BRF1: variants seen among roughly 807,000 people sequenced by gnomAD.
The protein encoded by BRF1 is BRF1 general transcription factor IIIB subunit, also known as transcription factor IIIB 90 kDa subunit.
Under a neutral mutation model 81.7 loss-of-function variants are expected in BRF1, and 59 were observed. The ratio of observed to expected loss-of-function variants is 0.72; its 90% CI spans 0.59 to 0.90. BRF1 has a LOEUF of 0.90. Among genes scored for constraint, BRF1 ranks in the 40% least tolerant of loss-of-function variants. The probability of loss-of-function intolerance (pLI) is 0.00; values close to 1 mark genes in which losing one functional copy is unlikely to be tolerated. For missense variants in BRF1, 1,050 were observed against 936.3 expected, an observed-to-expected ratio of 1.12 and a Z score of -1.58; for synonymous variants, 491 against 395.6, an observed-to-expected ratio of 1.24 and a Z score of -2.86.
intron 5 of BRF1, among the ~76,000 whole-genome samples, chr14:105,243,601 G>GA (rs1002937476): frequency 3.9e-4 from 55 of 140,752 alleles, no homozygotes; most frequent in East Asian, 1.4e-3. Flanking sequence ...CTGGGCAACA[G>GA]AAAAAAAAAA....
At position 105,248,120 on chromosome 14, in the gene BRF1, G is replaced by C. The variant is rs139330909; in HGVS notation, c.544+4387C>G. 4,092 of 985,466 alleles carry C rather than the reference G, an allele frequency of 4.2e-3. 11 individuals carry two copies. Among genetic ancestry groups the C allele is most frequent in the East Asian group, 0.013 (116 of 8,810 alleles). The allele number at this position is 985,466 out of a possible 1,614,324, so 61.0% of individuals were successfully genotyped here. A position where few individuals can be genotyped will look rare whatever the true frequency, so the allele number is the denominator to read the frequency against. On this transcript the variant is annotated intron_variant, in intron 5 of 17. Coordinates refer to ENST00000547530, the MANE Select transcript of BRF1 (RefSeq NM_001519.4). ...GAGGAAAATGCCGGGAAATAGCAGC[G>C]CCTGCCCCTGTAAAGCCCTCAGAGC...
At chr14:105,261,304 G>A (rs1351229372) in intron 3 of BRF1, among the ~76,000 whole-genome samples, 1 of 152,220 alleles carries the variant, frequency 6.6e-6, no homozygotes, top group Non-Finnish European at 1.5e-5. Flanking sequence ...AGAGGCCCAC[G>A]CGAGGCTCCC....
upstream of BRF1, among the ~76,000 whole-genome samples, chr14:105,305,993 A>C (rs370896869): frequency 6.6e-4 from 101 of 152,282 alleles, no homozygotes; most frequent in African/African-American, 2.4e-3. Context: ...CCTAGACCTG[A>C]CTCCAGCACA....
At chr14:105,293,289 C>G (rs1031704267) in intron 1 of BRF1, among the ~76,000 whole-genome samples, 5 of 152,220 alleles carry the variant, frequency 3.3e-5, no homozygotes, top group Admixed American at 1.3e-4. Flanking sequence ...AGGTGACATG[C>G]AGCCATGTCA....
intron 5 of BRF1, chr14:105,247,588 C>G (rs1566830949): frequency 8.1e-6 from 8 of 985,366 alleles, no homozygotes; most frequent in African/African-American, 1.7e-5. Context: ...GTAACGACCA[C>G]AGAGACACAG....
intron 6 of BRF1, among the ~76,000 whole-genome samples, chr14:105,229,619 C>G (rs587647805): frequency 2.6e-5 from 4 of 152,248 alleles, no homozygotes; most frequent in African/African-American, 2.4e-5. Context: ...AGAGGTCCAA[C>G]TAGAACAGTC....
At chr14:105,217,010 G>C (rs1189822172) in intron 15 of BRF1, among the ~76,000 whole-genome samples, 1 of 152,188 alleles carries the variant, frequency 6.6e-6, no homozygotes, top group Non-Finnish European at 1.5e-5. Flanking sequence ...CACAGAGGCC[G>C]ACCCACTCCA....
intron 5 of BRF1, chr14:105,248,616 C>T (rs1010176371): frequency 3.1e-6 from 3 of 976,296 alleles, no homozygotes; most frequent in South Asian, 4.7e-5. Context: ...CCGGGCCTGG[C>T]CGGGCTGCGC....
intron 5 of BRF1, among the ~76,000 whole-genome samples, chr14:105,244,533 G>C (rs1428171437): frequency 6.6e-6 from 1 of 152,160 alleles, no homozygotes; most frequent in Admixed American, 6.6e-5. Flanking sequence ...GGCAGCGGCG[G>C]CACGGTGGGC....
intron 1 of BRF1, among the ~76,000 whole-genome samples, chr14:105,311,771 C>G (rs901369295): frequency 3.9e-5 from 6 of 152,218 alleles, no homozygotes; most frequent in African/African-American, 1.4e-4. Flanking sequence ...TCTTGGCCAT[C>G]CCCCACATGG....
chr14:105,244,945 T>C (rs888925857), intron 5 of BRF1, among the ~76,000 whole-genome samples: 1 of 148,994 alleles, frequency 6.7e-6, no homozygotes, highest in Non-Finnish European at 1.5e-5. Context: ...TGACCCCAAG[T>C]GCAAAAAAAA....
chr14:105,248,149 G>C, intron 5 of BRF1: 1 of 985,504 alleles, frequency 1.0e-6, no homozygotes, highest in Non-Finnish European at 1.2e-6. Flanking sequence ...TCAGAGCAGA[G>C]TGGACCGCGC....
At chr14:105,227,710 C>G (rs1410332806) in intron 7 of BRF1, 1 of 152,318 alleles carries the variant, frequency 6.6e-6, no homozygotes, top group East Asian at 1.9e-4. Flanking sequence ...AGGGGCCCTG[C>G]AGGCCTGTGA....
chr14:105,229,001 G>T, intron 6 of BRF1, 88 bp from the exon 7 acceptor site: 2 of 1,212,498 alleles, frequency 1.6e-6, no homozygotes, highest in Non-Finnish European at 2.4e-6. Context: ...GCGGATCCCG[G>T]TCACGGAGAT....
intron 2 of BRF1, among the ~76,000 whole-genome samples, chr14:105,278,745 TA>T (rs199656041): frequency 7.8e-4 from 112 of 144,026 alleles, no homozygotes; most frequent in Non-Finnish European, 7.4e-4. Context: ...CATCTCTATT[TA>T]AAAAAAAAAA....
At chr14:105,293,458 T>C (rs1163057986) in intron 1 of BRF1, among the ~76,000 whole-genome samples, 1 of 152,220 alleles carries the variant, frequency 6.6e-6, no homozygotes, top group Non-Finnish European at 1.5e-5. Flanking sequence ...GTGCTGCTCC[T>C]TGCACAGGAC....
chr14:105,314,766 C>T (rs1288565529), intron 1 of BRF1: 4 of 164,432 alleles, frequency 2.4e-5, no homozygotes, highest in South Asian at 3.9e-4. Flanking sequence ...TCGCCGCCCG[C>T]GGGCCTGTCC....
intron 5 of BRF1, chr14:105,248,266 C>T (rs1401965088): frequency 2.0e-6 from 2 of 985,344 alleles, no homozygotes; most frequent in Non-Finnish European, 2.4e-6. Flanking sequence ...CAGAGGCAGA[C>T]TCCGGAATGC....
At chr14:105,254,988 C>A (rs1432364099) in intron 4 of BRF1, among the ~76,000 whole-genome samples, 1 of 141,674 alleles carries the variant, frequency 7.1e-6, no homozygotes, top group Admixed American at 6.8e-5. Flanking sequence ...AGCCAGCTGC[C>A]CCCCCCATCT....
Sources: allele counts gnomAD v4.1 joint callset (sites outside exome capture counted in the v4.1 genomes callset), GRCh38; gene constraint gnomAD v4.1.1; transcripts MANE v1.5; gene names NCBI Gene and HGNC (gene_info 2026-07-23, HGNC 2026-07-21).